OR10Q1: variants seen among roughly 807,000 people sequenced by gnomAD.
OR10Q1 encodes olfactory receptor family 10 subfamily Q member 1.
For missense variants in OR10Q1, 435 were observed against 414.0 expected (o/e 1.05, Z -0.44); for synonymous variants, 211 against 180.5 (o/e 1.17, Z -1.35).
chr11:58,228,889 G>T lies in OR10Q1; in HGVS notation c.-14C>A. ...CCCCACAGGCATGTCTTATGCAAAA[G>T]AATAGGACGCGCTGAGCTCTTCTTG... On this transcript the variant is annotated 5_prime_UTR_variant, in exon 1 of 1. Coordinates refer to ENST00000316770, the MANE Select transcript of OR10Q1 (RefSeq NM_001004471.2). 1 of 1,611,216 alleles carries T rather than the reference G, an allele frequency of 6.2e-7. No homozygotes were observed. The highest frequency in any genetic ancestry group is 8.5e-7 in the Non-Finnish European group (1 of 1,178,144).
rs1306805450 is a variant in OR10Q1 at position 58,228,451 on chromosome 11, C to T, written c.425G>A (p.Arg142His). The T allele has an allele frequency of 1.9e-6, 3 of 1,613,908 alleles. No homozygotes were observed. The highest frequency in any genetic ancestry group is 1.7e-5 in the Admixed American group (1 of 60,008). Reference sequence around the variant, plus strand: ...ACCCAGCATCTGCGTGCACAGCTCGCGGGTCATGATGAGGGTGTAGTGCAG... The same window carrying T: ...ACCCAGCATCTGCGTGCACAGCTCGTGGGTCATGATGAGGGTGTAGTGCAG... ...HPLHYTLIMT[R>H]ELCTQMLGGA... is the part of the protein sequence containing the mutation. Residue 142 changes from arginine (R) to histidine (H), a missense_variant, in exon 1 of 1, where the codon CGC becomes CAC. Physicochemically the swap from Arg to His is conservative, Grantham distance 29. Transcript: ENST00000316770.
Position 58,228,728 on chromosome 11 carries a change from T to G in OR10Q1, c.148A>C (p.Ile50Leu). Residue 50 changes from isoleucine (I) to leucine (L), a missense_variant, in exon 1 of 1, where the codon ATC becomes CTC. Ile to Leu is a conservative substitution (Grantham distance 5). Coordinates refer to ENST00000316770, the MANE Select transcript of OR10Q1 (RefSeq NM_001004471.2). ...GTGCTGTGTGTGCACACCACCCAGA[T>G]GATGGCTGTGTTGCCACAGAGGATC... Reference protein sequence around the residue: ...LMILCGNTAIIWVVCTHSTLR... With the variant: ...LMILCGNTAILWVVCTHSTLR... 6.2e-7 allele frequency: 1 copy of G among 1,613,890 alleles called. No homozygotes were observed. The highest frequency in any genetic ancestry group is 8.5e-7 in the Non-Finnish European group (1 of 1,179,990).
Position 58,228,440 on chromosome 11 carries a change from T to A in OR10Q1, c.436A>T (p.Thr146Ser). The A allele has an allele frequency of 6.2e-7, 1 of 1,614,030 alleles. No homozygotes were observed. The highest frequency in any genetic ancestry group is 8.5e-7 in the Non-Finnish European group (1 of 1,180,000). Residue 146 changes from threonine to serine, a missense_variant, in exon 1 of 1, where the codon ACG (threonine) becomes TCG (serine). Physicochemically the swap from Thr to Ser is moderately conservative, Grantham distance 58. Transcript: ENST00000316770. Reference protein sequence around the residue: ...YTLIMTRELCTQMLGGALGLA... With the variant: ...YTLIMTRELCSQMLGGALGLA... ...CCCAGGGCCCCACCCAGCATCTGCG[T>A]GCACAGCTCGCGGGTCATGATGAGG... is the stretch of plus-strand genomic sequence containing the variant.
Position 58,228,763 on chromosome 11 carries a change from A to T in OR10Q1, c.113T>A (p.Leu38His). ...QVLLFLLFLLLYLMILCGNTA... is the reference protein window; with the variant it reads ...QVLLFLLFLLHYLMILCGNTA... Reference sequence around the variant, plus strand: ...GTTGCCACAGAGGATCATCAAGTAGAGGAGGAGGAAGAGAAGGAAGAGAAG... The same window carrying T: ...GTTGCCACAGAGGATCATCAAGTAGTGGAGGAGGAAGAGAAGGAAGAGAAG... The change falls in exon 1 of 1, where the codon CTC (leucine) becomes CAC (histidine). Residue 38 changes from leucine (L) to histidine (H), a missense_variant. By Grantham distance (99) the Leu-to-His change is moderately conservative (BLOSUM62 -3). Transcript: ENST00000316770. The T allele has an allele frequency of 6.2e-7, 1 of 1,613,938 alleles. No homozygotes were observed. The highest frequency in any genetic ancestry group is 1.1e-5 in the South Asian group (1 of 91,078).
In OR10Q1 at chr11:58,228,453, G is replaced by T. The variant is rs776016297; in HGVS notation, c.423C>A (p.Thr141=). ...CHPLHYTLIM[T]RELCTQMLGG... The stretch of plus-strand genomic sequence containing the variant: ...CCAGCATCTGCGTGCACAGCTCGCG[G>T]GTCATGATGAGGGTGTAGTGCAGCG... Residue 141 remains threonine, a synonymous_variant, in exon 1 of 1, where the codon ACC becomes ACA. Coordinates refer to ENST00000316770, the MANE Select transcript of OR10Q1 (RefSeq NM_001004471.2). 2 of 1,614,040 alleles carry T rather than the reference G, an allele frequency of 1.2e-6. No homozygotes were observed. Among genetic ancestry groups the T allele is most frequent in the Admixed American group, 1.7e-5 (1 of 60,014 alleles).
In OR10Q1 at chr11:58,227,978, T is replaced by C; in HGVS notation, c.898A>G (p.Lys300Glu). Reference protein sequence around the residue: ...LNPLLYSLRNKDVKGALRSAI... With the variant: ...LNPLLYSLRNEDVKGALRSAI... ...CTCCTCAGAGCACCTTTGACATCCT[T>C]GTTCCTAAGGCTGTAAAGCAAAGGG... The change falls in exon 1 of 1, where the codon AAG becomes GAG. Residue 300 changes from lysine to glutamate, a missense_variant. By Grantham distance (56) the Lys-to-Glu change is moderately conservative (BLOSUM62 1). Coordinates refer to ENST00000316770, the MANE Select transcript of OR10Q1 (RefSeq NM_001004471.2). 3 of 1,607,740 alleles carry C rather than the reference T, an allele frequency of 1.9e-6. No individual in the cohort carries two copies. Among genetic ancestry groups the C allele is most frequent in the Non-Finnish European group, 2.6e-6 (3 of 1,175,618 alleles).
Position 58,228,775 on chromosome 11 carries a change from A to C in OR10Q1, c.101T>G (p.Leu34Arg). 1 of 1,613,916 alleles carries C rather than the reference A, an allele frequency of 6.2e-7. No homozygotes were observed. The highest frequency in any genetic ancestry group is 8.5e-7 in the Non-Finnish European group (1 of 1,179,976). The change falls in exon 1 of 1, where the codon CTC (leucine) becomes CGC (arginine). Residue 34 changes from leucine (L) to arginine (R), a missense_variant. By Grantham distance (102) the Leu-to-Arg change is moderately radical. Coordinates refer to ENST00000316770, the MANE Select transcript of OR10Q1 (RefSeq NM_001004471.2). The stretch of plus-strand genomic sequence containing the variant: ...GATCATCAAGTAGAGGAGGAGGAAG[A>C]GAAGGAAGAGAAGAACCTGGAATTC... ...ATEFQVLLFL[L>R]FLLLYLMILC...
chr11:58,228,817 G>T lies in OR10Q1; in HGVS notation c.59C>A (p.Ala20Glu). ...QSEPTEFVFR[A>E]FTTATEFQVL... ...CTGGAATTCAGTGGCTGTGGTGAAC[G>T]CACGGAACACAAACTCAGTGGGCTC... is the stretch of plus-strand genomic sequence containing the variant. The change falls in exon 1 of 1, where the codon GCG becomes GAG. Residue 20 changes from alanine to glutamate, a missense_variant. Coordinates refer to ENST00000316770, the MANE Select transcript of OR10Q1 (RefSeq NM_001004471.2). The T allele has an allele frequency of 6.2e-7, 1 of 1,613,992 alleles. No individual in the cohort carries two copies. Among genetic ancestry groups the T allele is most frequent in the Non-Finnish European group, 8.5e-7 (1 of 1,179,936 alleles).
In OR10Q1 at chr11:58,228,576, T is replaced by A; in HGVS notation, c.300A>T (p.Gly100=). ...CAAAGAAGAACATTTGGGCCCCACA[T>A]CCAGCCAACGAAATGGGCTTCTGGG... ...LGAQKPISLA[G]CGAQMFFFVT... Residue 100 remains glycine, a synonymous_variant, in exon 1 of 1, where the codon GGA becomes GGT. Transcript: ENST00000316770. The A allele has an allele frequency of 1.2e-6, 2 of 1,614,078 alleles. No homozygotes were observed. The highest frequency in any genetic ancestry group is 2.2e-5 in the South Asian group (2 of 91,074).
rs773628946 is a variant in OR10Q1, at chr11:58,228,702, G to A, written c.174C>T (p.Thr58=). The A allele has an allele frequency of 2.9e-5, 46 of 1,613,808 alleles. No individual in the cohort carries two copies. The highest frequency in any genetic ancestry group is 3.6e-5 in the Non-Finnish European group (43 of 1,180,006). The change falls in exon 1 of 1, where the codon ACC becomes ACT. Residue 58 remains threonine (T), a synonymous_variant. Transcript: ENST00000316770. ...GGAAGAAATACATCGGGGTGCGGAG[G>A]GTGCTGTGTGTGCACACCACCCAGA... is the stretch of plus-strand genomic sequence containing the variant. ...AIIWVVCTHS[T]LRTPMYFFLS...
Position 58,228,629 on chromosome 11 carries a change from G to C in OR10Q1, c.247C>G (p.Pro83Ala), listed in dbSNP as rs766214997. The change falls in exon 1 of 1, where the codon CCC becomes GCC. Residue 83 changes from proline to alanine, a missense_variant. Transcript: ENST00000316770. ...CCCAAAATGTTGGAAAGCATCAAGG[G>C]TACTACCACGGTGGTGTAGCAGAGT... The part of the protein sequence containing the change: ...LELCYTTVVV[P>A]LMLSNILGAQ... 6.2e-7 allele frequency: 1 copy of C among 1,614,132 alleles called. No individual in the cohort carries two copies. Among genetic ancestry groups the C allele is most frequent in the Admixed American group, 1.7e-5 (1 of 60,024 alleles).
Position 58,228,227 on chromosome 11 carries a change from G to A in OR10Q1, c.649C>T (p.Leu217=), listed in dbSNP as rs1346221846. Residue 217 remains leucine, a synonymous_variant, in exon 1 of 1, where the codon CTG becomes TTG. Coordinates refer to ENST00000316770, the MANE Select transcript of OR10Q1 (RefSeq NM_001004471.2). ...AACACGTAGGAGACGCAGATGAGCA[G>A]GAAGGGGATGGTCAGCACGAGGATG... ...VSILVLTIPF[L]LICVSYVFIT... is the part of the protein sequence containing the mutation. 8 of 1,613,858 alleles carry A rather than the reference G, an allele frequency of 5.0e-6. No individual in the cohort carries two copies. In the Admixed American group the frequency reaches 6.7e-5, roughly 13 times the overall value.
Position 58,228,255 on chromosome 11 carries a change from C to G in OR10Q1, c.621G>C (p.Val207=), listed in dbSNP as rs781274671. 1 of 1,613,640 alleles carries G rather than the reference C, an allele frequency of 6.2e-7. No individual in the cohort carries two copies. Among genetic ancestry groups the G allele is most frequent in the Non-Finnish European group, 8.5e-7 (1 of 1,180,028 alleles). The change falls in exon 1 of 1, where the codon GTG becomes GTC. Residue 207 remains valine (V), a synonymous_variant. Coordinates refer to ENST00000316770, the MANE Select transcript of OR10Q1 (RefSeq NM_001004471.2). ...IRVHQAVLYV[V]SILVLTIPFL... ...AGGGGATGGTCAGCACGAGGATGCT[C>G]ACGACATAGAGGACAGCCTGGTGCA...
rs1160120536 is a variant in OR10Q1 at position 58,228,690 on chromosome 11, C to T, written c.186G>A (p.Pro62=). 4 of 1,613,982 alleles carry T rather than the reference C, an allele frequency of 2.5e-6. No homozygotes were observed. Among genetic ancestry groups the T allele is most frequent in the African/African-American group, 2.7e-5 (2 of 74,982 alleles). The change falls in exon 1 of 1, where the codon CCG becomes CCA. Residue 62 remains proline, a synonymous_variant. Transcript: ENST00000316770. The part of the protein sequence containing the change: ...VVCTHSTLRT[P]MYFFLSNLSF... The stretch of plus-strand genomic sequence containing the variant: ...ACAGGTTGGACAGGAAGAAATACAT[C>T]GGGGTGCGGAGGGTGCTGTGTGTGC...
Position 58,228,262 on chromosome 11 carries a change from T to C in OR10Q1, c.614A>G (p.Tyr205Cys). ...GGTCAGCACGAGGATGCTCACGACA[T>C]AGAGGACAGCCTGGTGCACGCGGAT... ...ADIRVHQAVL[Y>C]VVSILVLTIP... Residue 205 changes from tyrosine to cysteine, a missense_variant, in exon 1 of 1, where the codon TAT becomes TGT. Transcript: ENST00000316770. The C allele has an allele frequency of 6.2e-7, 1 of 1,613,602 alleles. No individual in the cohort carries two copies. Among genetic ancestry groups the C allele is most frequent in the Non-Finnish European group, 8.5e-7 (1 of 1,180,006 alleles).
rs201339802 is a variant in OR10Q1 at position 58,228,816 on chromosome 11, C to T, written c.60G>A (p.Ala20=). 6.2e-6 allele frequency: 10 copies of T among 1,613,904 alleles called. No individual in the cohort carries two copies. The Admixed American group carries it at 1.0e-4, about 16-fold the overall frequency. Residue 20 remains alanine (A), a synonymous_variant, in exon 1 of 1, where the codon GCG becomes GCA. Coordinates refer to ENST00000316770, the MANE Select transcript of OR10Q1 (RefSeq NM_001004471.2). The part of the protein sequence containing the change: ...QSEPTEFVFR[A]FTTATEFQVL... ...CCTGGAATTCAGTGGCTGTGGTGAA[C>T]GCACGGAACACAAACTCAGTGGGCT...
In OR10Q1 at chr11:58,228,685, T is replaced by A; in HGVS notation, c.191A>T (p.Tyr64Phe). ...GAAAGACAGGTTGGACAGGAAGAAATACATCGGGGTGCGGAGGGTGCTGTG... is the reference window on the plus strand; with the variant it reads ...GAAAGACAGGTTGGACAGGAAGAAAAACATCGGGGTGCGGAGGGTGCTGTG... ...CTHSTLRTPM[Y>F]FFLSNLSFLE... The change falls in exon 1 of 1, where the codon TAT (tyrosine) becomes TTT (phenylalanine). Residue 64 changes from tyrosine to phenylalanine, a missense_variant. Tyr to Phe is a conservative substitution (Grantham distance 22). Coordinates refer to ENST00000316770, the MANE Select transcript of OR10Q1 (RefSeq NM_001004471.2). 6.2e-7 allele frequency: 1 copy of A among 1,613,768 alleles called. No individual in the cohort carries two copies. Among genetic ancestry groups the A allele is most frequent in the South Asian group, 1.1e-5 (1 of 91,064 alleles).
Position 58,228,477 on chromosome 11 carries a change from C to A in OR10Q1, c.399G>T (p.Pro133=). 1 of 1,613,998 alleles carries A rather than the reference C, an allele frequency of 6.2e-7. No homozygotes were observed. Among genetic ancestry groups the A allele is most frequent in the Non-Finnish European group, 8.5e-7 (1 of 1,179,980 alleles). ...AYDRYVAICH[P]LHYTLIMTRE... is the part of the protein sequence containing the mutation. ...GGGTCATGATGAGGGTGTAGTGCAGCGGGTGGCAGATAGCCACATAGCGGT... is the reference window on the plus strand; with the variant it reads ...GGGTCATGATGAGGGTGTAGTGCAGAGGGTGGCAGATAGCCACATAGCGGT... Residue 133 remains proline, a synonymous_variant, in exon 1 of 1, where the codon CCG becomes CCT. Coordinates refer to ENST00000316770, the MANE Select transcript of OR10Q1 (RefSeq NM_001004471.2).
At position 58,228,306 on chromosome 11, in the gene OR10Q1, C is replaced by T. The variant is rs574380140; in HGVS notation, c.570G>A (p.Leu190=). 6.2e-7 allele frequency: 1 copy of T among 1,613,792 alleles called. No individual in the cohort carries two copies. Among genetic ancestry groups the T allele is most frequent in the Admixed American group, 1.7e-5 (1 of 60,022 alleles). ...NHFLCDVPPV[L]RLACADIRVH... is the part of the protein sequence containing the mutation. ...CGCGGATGTCAGCGCAGGCCAGGCG[C>T]AGGACGGGAGGCACATCGCAGAGGA... Residue 190 remains leucine, a synonymous_variant, in exon 1 of 1, where the codon CTG becomes CTA. Coordinates refer to ENST00000316770, the MANE Select transcript of OR10Q1 (RefSeq NM_001004471.2).
Sources: allele counts gnomAD v4.1 joint callset, GRCh38; gene constraint gnomAD v4.1.1; transcripts MANE v1.5; gene names NCBI Gene and HGNC (gene_info 2026-07-23, HGNC 2026-07-21).